NEMF: variants seen among roughly 807,000 people sequenced by gnomAD.
NEMF encodes the protein ribosome quality control complex subunit NEMF.
NEMF carries 89 observed loss-of-function variants against 162.2 expected under a neutral mutation model. The observed-to-expected ratio is 0.55, with a 90% CI of 0.46 to 0.65. The LOEUF (loss-of-function observed/expected upper bound fraction) is 0.65. NEMF is among the 30% of genes least tolerant of loss of function. The pLI, the probability that NEMF is intolerant of heterozygous loss-of-function variation, is 0.00. For missense variants in NEMF, 1,133 were observed against 1,261.9 expected, an observed-to-expected ratio of 0.90 and a Z score of 1.55; for synonymous variants, 421 against 404.5, an observed-to-expected ratio of 1.04 and a Z score of -0.49.
rs759841923 is a variant in NEMF, at chr14:49,782,527, CTATT to C, written c.*2105_*2108del. The stretch of plus-strand genomic sequence containing the variant: ...GCATTTGCTTTTAAATGTGTTCTTC[CTATT>C]TATTTTTCAGGCACACAGTAATGAA... On this transcript the variant is annotated 3_prime_UTR_variant, in exon 33 of 33. Transcript: ENST00000298310. 21 of 1,603,452 alleles carry C rather than the reference CTATT, an allele frequency of 1.3e-5. No homozygotes were observed. Among genetic ancestry groups the C allele is most frequent in the Middle Eastern group, 1.7e-4 (1 of 6,022 alleles).
intron 18 of NEMF, among the ~76,000 whole-genome samples, chr14:49,811,524 G>A (rs1305671013): frequency 6.6e-6 from 1 of 152,120 alleles, no homozygotes; most frequent in Non-Finnish European, 1.5e-5. Context: ...TATTACTGAT[G>A]GGAGGAGGAA....
At chr14:49,826,622 T>C (rs1006330377) in intron 15 of NEMF, among the ~76,000 whole-genome samples, 13 of 145,226 alleles carry the variant, frequency 9.0e-5, no homozygotes, top group Non-Finnish European at 1.3e-4. Flanking sequence ...GTTGAAGCAA[T>C]AGACAGAGGG....
chr14:49,798,222 C>T (rs1890781209), intron 25 of NEMF, among the ~76,000 whole-genome samples: 1 of 152,174 alleles, frequency 6.6e-6, no homozygotes, highest in South Asian at 2.1e-4. Context: ...TAACAATCAA[C>T]AATGTAGTAT....
At chr14:49,803,819 C>A (rs539104534) in intron 19 of NEMF, among the ~76,000 whole-genome samples, 1 of 151,836 alleles carries the variant, frequency 6.6e-6, no homozygotes, top group Non-Finnish European at 1.5e-5. Flanking sequence ...CCACTATGCC[C>A]GGCAATAATT....
chr14:49,799,007 GGTT>G (rs1890822407), intron 25 of NEMF, among the ~76,000 whole-genome samples: 1 of 151,500 alleles, frequency 6.6e-6, no homozygotes, highest in Non-Finnish European at 1.5e-5. Flanking sequence ...TGAGCCCAGG[GGTT>G]TAAGACCAGC....
At position 49,852,782 on chromosome 14, in the gene NEMF, T is replaced by C; in HGVS notation, c.-29A>G. ...GAGGCCCGAGGGTCACTACCGCAAG[T>C]TCCTCTACTGCCCGGCCGGACTCGA... On this transcript the variant is annotated 5_prime_UTR_variant, in exon 1 of 33. Transcript: ENST00000298310. 6.2e-7 allele frequency: 1 copy of C among 1,613,300 alleles called. No individual in the cohort carries two copies. Among genetic ancestry groups the C allele is most frequent in the Admixed American group, 1.7e-5 (1 of 60,016 alleles).
At chr14:49,785,033 TCTA>T in intron 31 of NEMF, 29 bp from the exon 32 acceptor site, 1 of 1,608,530 alleles carries the variant, frequency 6.2e-7, no homozygotes, top group Non-Finnish European at 8.5e-7. Context: ...GTAAGAATAA[TCTA>T]CTGTTAAGTC....
Position 49,846,165 on chromosome 14 carries a change from T to C in NEMF, c.332A>G (p.His111Arg). Residue 111 changes from histidine to arginine, a missense_variant, in exon 4 of 33, where the codon CAT becomes CGT. Physicochemically the swap from His to Arg is conservative, Grantham distance 29. This residue lies in a region of NEMF where 582 missense variants were observed against 631.5 expected (regional missense o/e 0.92). Coordinates refer to ENST00000298310, the MANE Select transcript of NEMF (RefSeq NM_004713.6). The part of the protein sequence containing the change: ...FQFGSDEAAY[H>R]LIIELYDRGN... ...CCTATCATAGAGCTCAATGATTAAA[T>C]GGTAAGCAGCTTCATCACTTCCAAA... is the stretch of plus-strand genomic sequence containing the variant. The C allele has an allele frequency of 1.2e-6, 2 of 1,613,712 alleles. No individual in the cohort carries two copies. The highest frequency in any genetic ancestry group is 1.7e-6 in the Non-Finnish European group (2 of 1,179,698).
chr14:49,832,464 T>G (rs1244948847), intron 8 of NEMF, among the ~76,000 whole-genome samples, 187 bp from the exon 9 acceptor site: 30 of 152,046 alleles, frequency 2.0e-4, no homozygotes. Context: ...CCCAAGTAGC[T>G]GGGATTACAG....
intron 14 of NEMF, 106 bp downstream of exon 14, chr14:49,828,510 A>G (rs1018370641): frequency 3.8e-5 from 40 of 1,043,760 alleles, no homozygotes; most frequent in Non-Finnish European, 5.0e-5. Flanking sequence ...TTCACCCAAA[A>G]AAAGTATGCA....
chr14:49,843,038 T>G (rs187333037), intron 4 of NEMF, among the ~76,000 whole-genome samples: 54 of 150,002 alleles, frequency 3.6e-4, no homozygotes, highest in East Asian at 1.2e-3. Context: ...AAAGAAAGAG[T>G]AAAAACTCAG....
At chr14:49,852,066 G>T (rs1057023863) in intron 1 of NEMF, among the ~76,000 whole-genome samples, 191 bp from the exon 2 acceptor site, 1 of 152,032 alleles carries the variant, frequency 6.6e-6, no homozygotes, top group Non-Finnish European at 1.5e-5. Flanking sequence ...AAACAGAAGT[G>T]GTCTATCAGC....
In NEMF at chr14:49,840,706, A is replaced by G. The variant is rs906071225; in HGVS notation, c.506+12T>C. 22 of 1,605,252 alleles carry G rather than the reference A, an allele frequency of 1.4e-5. No individual in the cohort carries two copies. Among genetic ancestry groups the G allele is most frequent in the Non-Finnish European group, 1.8e-5 (21 of 1,177,546 alleles). On this transcript the variant is annotated intron_variant, in intron 5 of 32. Coordinates refer to ENST00000298310, the MANE Select transcript of NEMF (RefSeq NM_004713.6). ...TACAATACGAAATGGGTTTAAAAAC[A>G]AAACACTTTACCTTTCCAAAGTAAG...
chr14:49,841,648 CAT>C (rs1893217917), intron 4 of NEMF, among the ~76,000 whole-genome samples: 1 of 149,332 alleles, frequency 6.7e-6, no homozygotes, highest in Admixed American at 6.7e-5. Context: ...AGGCAAGGAA[CAT>C]ATTACACTTC....
rs1889960566 is a variant in NEMF, at chr14:49,782,643, T to C, written c.*1993A>G. ...TTAGATTATTTAAAATTGTGTTTCCTAAGACTTAGCACTCTCGAAAAACTA... is the reference window on the plus strand; with the variant it reads ...TTAGATTATTTAAAATTGTGTTTCCCAAGACTTAGCACTCTCGAAAAACTA... On this transcript the variant is annotated 3_prime_UTR_variant, in exon 33 of 33. Transcript: ENST00000298310. The C allele has an allele frequency of 6.7e-7, 1 of 1,500,568 alleles. No homozygotes were observed. The highest frequency in any genetic ancestry group is 1.4e-5 in the African/African-American group (1 of 71,716). The allele number at this position is 1,500,568 out of a possible 1,614,324, so 93.0% of individuals were successfully genotyped here. A position where few individuals can be genotyped will look rare whatever the true frequency, so the allele number is the denominator to read the frequency against.
At chr14:49,798,524 C>A (rs1890795439) in intron 25 of NEMF, among the ~76,000 whole-genome samples, 1 of 152,206 alleles carries the variant, frequency 6.6e-6, no homozygotes, top group Admixed American at 6.5e-5. Context: ...GCCAGAGGAA[C>A]TTAACTCTTG....
chr14:49,819,995 A>T (rs1891919999), intron 16 of NEMF: 1 of 155,720 alleles, frequency 6.4e-6, no homozygotes, highest in East Asian at 1.9e-4. Flanking sequence ...TCTGTTGCCC[A>T]GACTGGAGTG....
Position 49,782,465 on chromosome 14 carries a change from T to C in NEMF, c.*2171A>G. On this transcript the variant is annotated 3_prime_UTR_variant, in exon 33 of 33. Coordinates refer to ENST00000298310, the MANE Select transcript of NEMF (RefSeq NM_004713.6). ...CTTGTCCATCACAGAGCTGTAAGTA[T>C]ACTACCTTCACATTATTACTGAAAC... 1 of 1,606,980 alleles carries C rather than the reference T, an allele frequency of 6.2e-7. No individual in the cohort carries two copies. The highest frequency in any genetic ancestry group is 8.5e-7 in the Non-Finnish European group (1 of 1,174,522).
At chr14:49,788,296 A>AAAAAAT (rs1555344509) in intron 28 of NEMF, among the ~76,000 whole-genome samples, 5 of 150,736 alleles carry the variant, frequency 3.3e-5, no homozygotes, top group African/African-American at 1.2e-4. Flanking sequence ...AAAAAAAAAA[A>AAAAAAT]TTCAAGAAGA....
Sources: allele counts gnomAD v4.1 joint callset (sites outside exome capture counted in the v4.1 genomes callset), GRCh38; gene constraint gnomAD v4.1.1; regional missense constraint gnomAD v4.1.1; transcripts MANE v1.5; gene names NCBI Gene and HGNC (gene_info 2026-07-23, HGNC 2026-07-21).